The following AAMP variants were observed in gnomAD, a reference collection of about 807,000 sequenced individuals.
AAMP encodes angio-associated migratory cell protein.
Under a neutral mutation model 51.1 loss-of-function variants are expected in AAMP, and 12 were observed. That is an observed-to-expected ratio of 0.23 (90% CI 0.15 to 0.38). The LOEUF is 0.38. Among genes scored for constraint, AAMP ranks in the 10% least tolerant of loss-of-function variants. The probability of loss-of-function intolerance (pLI) is 1.00; values close to 1 mark genes in which losing one functional copy is unlikely to be tolerated. For missense variants in AAMP, 418 were observed against 557.2 expected (o/e 0.75, Z 2.52); for synonymous variants, 210 against 218.7 (o/e 0.96, Z 0.35).
Position 218,266,738 on chromosome 2 carries a change from C to T in AAMP, c.534+109G>A, listed in dbSNP as rs1365882362. On this transcript the variant is annotated intron_variant, in intron 4 of 10. Transcript: ENST00000248450. This position sits in a 1 kb window ranked among gnomAD's most constrained non-coding sequence, Gnocchi z 4.7. The stretch of plus-strand genomic sequence containing the variant: ...GATATTCTTCCTGTGCCTTGGGGCG[C>T]ATTGGCTCAGAGCTGGCTTGGCGCA... 2 of 1,565,496 alleles carry T rather than the reference C, an allele frequency of 1.3e-6. No homozygotes were observed. Among genetic ancestry groups the T allele is most frequent in the East Asian group, 4.5e-5 (2 of 44,354 alleles).
Position 218,267,693 on chromosome 2 carries a change from A to ACC in AAMP, c.275-82_275-81dup. On this transcript the variant is annotated intron_variant, in intron 2 of 10. Transcript: ENST00000248450. The surrounding 1 kb of genome is among the most constrained non-coding windows in gnomAD (Gnocchi z 4.6). ...GTCCTTCACAATCTTCAGGAAACCC[A>ACC]CCCCCTTTCACCCAAAGCGTGTCTT... is the stretch of plus-strand genomic sequence containing the variant. 6.5e-7 allele frequency: 1 copy of ACC among 1,543,506 alleles called. No homozygotes were observed. The highest frequency in any genetic ancestry group is 8.9e-7 in the Non-Finnish European group (1 of 1,124,462).
At position 218,266,185 on chromosome 2, in the gene AAMP, C is replaced by A. The variant is rs372929094; in HGVS notation, c.680-38G>T. On this transcript the variant is annotated intron_variant, in intron 5 of 10. Transcript: ENST00000248450. The surrounding 1 kb of genome is among the most constrained non-coding windows in gnomAD (Gnocchi z 4.7). ...ACAGATGAAGAGAGGGCAGAGGGCA[C>A]GCTCACATACACTAAGCAAGGGAAT... 2 of 1,566,406 alleles carry A rather than the reference C, an allele frequency of 1.3e-6. No individual in the cohort carries two copies. The highest frequency in any genetic ancestry group is 1.8e-6 in the Non-Finnish European group (2 of 1,137,090).
Position 218,264,271 on chromosome 2 carries a change from C to T in AAMP, c.*262G>A, listed in dbSNP as rs1469468683. On this transcript the variant is annotated 3_prime_UTR_variant, in exon 11 of 11. Coordinates refer to ENST00000248450, the MANE Select transcript of AAMP (RefSeq NM_001087.5). ...ATACAAATACACACCCCATGGCTCA[C>T]ACCAGCAAATGAAAGTGAAAGAGAA... The T allele has an allele frequency of 3.8e-6, 2 of 529,638 alleles. No individual in the cohort carries two copies. The highest frequency in any genetic ancestry group is 1.9e-5 in the African/African-American group (1 of 52,860). The allele number at this position is 529,638 out of a possible 1,614,324, so 32.8% of individuals were successfully genotyped here.
Position 218,264,908 on chromosome 2 carries a change from T to C in AAMP, c.1229+112A>G, listed in dbSNP as rs146035270. 599 of 1,525,014 alleles carry C rather than the reference T, an allele frequency of 3.9e-4. No individual in the cohort carries two copies. The African/African-American group carries it at 7.2e-3, about 18-fold the overall frequency. 94.5% of individuals were successfully genotyped at this position (1,525,014 alleles called of 1,614,324 possible). A position where few individuals can be genotyped will look rare whatever the true frequency, so the allele number is the denominator to read the frequency against. ...TGGGCTGTGAACCCTCAGGCTTCTC[T>C]GCATTCCTGCCTTAGGAATCCCTTC... On this transcript the variant is annotated intron_variant, in intron 10 of 10. Transcript: ENST00000248450.
At position 218,265,471 on chromosome 2, in the gene AAMP, G is replaced by A. The variant is rs1483612437; in HGVS notation, c.984-10C>T. 2.5e-5 allele frequency: 40 copies of A among 1,575,684 alleles called. No homozygotes were observed. The highest frequency in any genetic ancestry group is 3.3e-5 in the Non-Finnish European group (38 of 1,157,822). The stretch of plus-strand genomic sequence containing the variant: ...AGCTGCCAGGGGCATCCTGGCCAGA[G>A]GAGCGTACCATGAAGACTCATGAGG... On this transcript the variant is annotated splice_polypyrimidine_tract_variant and intron_variant, in intron 8 of 10. Coordinates refer to ENST00000248450, the MANE Select transcript of AAMP (RefSeq NM_001087.5). This position sits in a 1 kb window ranked among gnomAD's most constrained non-coding sequence, Gnocchi z 6.6.
In AAMP at chr2:218,265,496, G is replaced by A; in HGVS notation, c.984-35C>T. 6.4e-7 allele frequency: 1 copy of A among 1,573,908 alleles called. No individual in the cohort carries two copies. The highest frequency in any genetic ancestry group is 8.7e-7 in the Non-Finnish European group (1 of 1,149,438). The stretch of plus-strand genomic sequence containing the variant: ...GGAGCGTACCATGAAGACTCATGAG[G>A]GCCTGGACTCACACGCCCTGCCGTC... On this transcript the variant is annotated intron_variant, in intron 8 of 10. Coordinates refer to ENST00000248450, the MANE Select transcript of AAMP (RefSeq NM_001087.5). The surrounding 1 kb of genome is among the most constrained non-coding windows in gnomAD (Gnocchi z 6.6).
In AAMP at chr2:218,265,313, G is replaced by A; in HGVS notation, c.1074+58C>T. 6.5e-7 allele frequency: 1 copy of A among 1,531,584 alleles called. No homozygotes were observed. The highest frequency in any genetic ancestry group is 8.9e-7 in the Non-Finnish European group (1 of 1,127,744). The allele number at this position is 1,531,584 out of a possible 1,614,324, so 94.9% of individuals were successfully genotyped here. On this transcript the variant is annotated intron_variant, in intron 9 of 10. Coordinates refer to ENST00000248450, the MANE Select transcript of AAMP (RefSeq NM_001087.5). This position sits in a 1 kb window ranked among gnomAD's most constrained non-coding sequence, Gnocchi z 6.6. ...CTGGGGTAGATGCTCCTGGAGGCCT[G>A]GGCTTCCCCACCACTATGGACACAG...
chr2:218,270,090 G>A lies in AAMP; in HGVS notation c.-4C>T, dbSNP rs749091651. On this transcript the variant is annotated 5_prime_UTR_variant, in exon 1 of 11. Transcript: ENST00000248450. ...CGCTTTCCGATTCGGACTCCATGCG[G>A]CGCAAGCGGCGGATCCACTTCTCTG... The A allele has an allele frequency of 4.3e-6, 7 of 1,613,588 alleles. No homozygotes were observed.
rs1253168817 is a variant in AAMP at position 218,267,732 on chromosome 2, C to G, written c.275-119G>C. ...AAAGCGTGTCTTTCCTCCTGGAAAA[C>G]ACAGGTACATCCAAGTTCTTCTAAG... On this transcript the variant is annotated intron_variant, in intron 2 of 10. Coordinates refer to ENST00000248450, the MANE Select transcript of AAMP (RefSeq NM_001087.5). This position sits in a 1 kb window ranked among gnomAD's most constrained non-coding sequence, Gnocchi z 4.6. The G allele has an allele frequency of 7.8e-7, 1 of 1,280,234 alleles. No homozygotes were observed. Among genetic ancestry groups the G allele is most frequent in the Non-Finnish European group, 1.1e-6 (1 of 908,414 alleles). 79.3% of individuals were successfully genotyped at this position (1,280,234 alleles called of 1,614,324 possible). A position where few individuals can be genotyped will look rare whatever the true frequency, so the allele number is the denominator to read the frequency against.
In AAMP at chr2:218,267,594, G is replaced by A; in HGVS notation, c.294C>T (p.Ser98=). The part of the protein sequence containing the change: ...ALHSASVFCV[S]LDPKTNTLAV... ...CCAAGGTATTGGTCTTGGGGTCCAG[G>A]CTCACACAAAACACAGATGCTGTCC... The change falls in exon 3 of 11, where the codon AGC becomes AGT. Residue 98 remains serine, a synonymous_variant. Coordinates refer to ENST00000248450, the MANE Select transcript of AAMP (RefSeq NM_001087.5). This position sits in a 1 kb window ranked among gnomAD's most constrained non-coding sequence, Gnocchi z 4.6. 6.2e-7 allele frequency: 1 copy of A among 1,614,136 alleles called. No individual in the cohort carries two copies.
In AAMP at chr2:218,266,759, G is replaced by A. The variant is rs113812614; in HGVS notation, c.534+88C>T. 6.3e-7 allele frequency: 1 copy of A among 1,586,602 alleles called. No homozygotes were observed. The highest frequency in any genetic ancestry group is 1.1e-5 in the South Asian group (1 of 88,288). ...GGCGCATTGGCTCAGAGCTGGCTTGGCGCAATAAAGGCAGAACTGGCCTCC... is the reference window on the plus strand; with the variant it reads ...GGCGCATTGGCTCAGAGCTGGCTTGACGCAATAAAGGCAGAACTGGCCTCC... On this transcript the variant is annotated intron_variant, in intron 4 of 10. Coordinates refer to ENST00000248450, the MANE Select transcript of AAMP (RefSeq NM_001087.5). The surrounding 1 kb of genome is among the most constrained non-coding windows in gnomAD (Gnocchi z 4.7).
chr2:218,268,721 C>T (rs1177686749), intron 2 of AAMP, among the ~76,000 whole-genome samples: 1 of 125,394 alleles, frequency 8.0e-6, no homozygotes, highest in African/African-American at 3.0e-5. Context: ...TTTTTGGAGA[C>T]AGACTCTCAT....
In AAMP at chr2:218,267,112, G is replaced by C. The variant is rs1690653151; in HGVS notation, c.395-126C>G. 1 of 1,121,364 alleles carries C rather than the reference G, an allele frequency of 8.9e-7. No homozygotes were observed. Among genetic ancestry groups the C allele is most frequent in the Admixed American group, 2.5e-5 (1 of 40,134 alleles). The allele number at this position is 1,121,364 out of a possible 1,614,324, so 69.5% of individuals were successfully genotyped here. On this transcript the variant is annotated intron_variant, in intron 3 of 10. Coordinates refer to ENST00000248450, the MANE Select transcript of AAMP (RefSeq NM_001087.5). This position sits in a 1 kb window ranked among gnomAD's most constrained non-coding sequence, Gnocchi z 4.6. The stretch of plus-strand genomic sequence containing the variant: ...AAAAAAAGAGGGGCGGGACTGAGCA[G>C]AACAGGTGCTGGAACTCACCACCAC...
rs752644226 is a variant in AAMP, at chr2:218,267,511, A to G, written c.377T>C (p.Leu126Pro). 2.5e-6 allele frequency: 4 copies of G among 1,614,080 alleles called. No homozygotes were observed. The highest frequency in any genetic ancestry group is 3.4e-6 in the Non-Finnish European group (4 of 1,180,002). Residue 126 changes from leucine (L) to proline (P), a missense_variant, in exon 3 of 11, where the codon CTG becomes CCG. By Grantham distance (98) the Leu-to-Pro change is moderately conservative. Transcript: ENST00000248450. The surrounding 1 kb of genome is among the most constrained non-coding windows in gnomAD (Gnocchi z 4.6). ...CCCCTCACCTGCACACTCAAAGAGC[A>G]GCTCCCCATCGCTGAGCCGCCATAC... ...AFVWRLSDGE[L>P]LFECAGHKDS... is the part of the protein sequence containing the mutation.
Position 218,269,451 on chromosome 2 carries a change from G to T in AAMP, c.205C>A (p.Pro69Thr). 6.2e-7 allele frequency: 1 copy of T among 1,614,198 alleles called. No homozygotes were observed. The highest frequency in any genetic ancestry group is 8.5e-7 in the Non-Finnish European group (1 of 1,180,040). The change falls in exon 2 of 11, where the codon CCC (proline) becomes ACC (threonine). Residue 69 changes from proline to threonine, a missense_variant. Transcript: ENST00000248450. ...EGNEEGWVLE[P>T]QEGVVGSMEG... is the part of the protein sequence containing the mutation. The stretch of plus-strand genomic sequence containing the variant: ...ATGCTGCCGACCACCCCTTCCTGGG[G>T]TTCTAGAACCCAGCCCTCTTCGTTG...
rs1690588253 is a variant in AAMP, at chr2:218,265,035, T to G, written c.1214A>C (p.Asp405Ala). The change falls in exon 10 of 11, where the codon GAC becomes GCC. Residue 405 changes from aspartate to alanine, a missense_variant. Asp to Ala is a moderately radical substitution (Grantham distance 126, BLOSUM62 -2). Transcript: ENST00000248450. This position sits in a 1 kb window ranked among gnomAD's most constrained non-coding sequence, Gnocchi z 6.6. ...ATTCACTTACTTGCTGAGGGCAAAG[T>G]CCAGGATCTCAGCCGTGTGGCCCCG... ...DYRGHTAEIL[D>A]FALSKDASLV... is the part of the protein sequence containing the mutation. 3 of 1,613,780 alleles carry G rather than the reference T, an allele frequency of 1.9e-6. No individual in the cohort carries two copies. Among genetic ancestry groups the G allele is most frequent in the Non-Finnish European group, 2.5e-6 (3 of 1,180,002 alleles).
chr2:218,266,705 A>G lies in AAMP; in HGVS notation c.535-118T>C, dbSNP rs2106172064. The G allele has an allele frequency of 1.3e-6, 2 of 1,547,540 alleles. No homozygotes were observed. Among genetic ancestry groups the G allele is most frequent in the Non-Finnish European group, 8.8e-7 (1 of 1,140,174 alleles). ...GGGGTTCCGCGGGGACTTTCCAGGTAGCAGGTAGATATTCTTCCTGTGCCT... is the reference window on the plus strand; with the variant it reads ...GGGGTTCCGCGGGGACTTTCCAGGTGGCAGGTAGATATTCTTCCTGTGCCT... On this transcript the variant is annotated intron_variant, in intron 4 of 10. Coordinates refer to ENST00000248450, the MANE Select transcript of AAMP (RefSeq NM_001087.5). The surrounding 1 kb of genome is among the most constrained non-coding windows in gnomAD (Gnocchi z 4.7).
chr2:218,264,305 AC>A lies in AAMP; in HGVS notation c.*227del. 1 of 560,482 alleles carries A rather than the reference AC, an allele frequency of 1.8e-6. No individual in the cohort carries two copies. The highest frequency in any genetic ancestry group is 3.2e-6 in the Non-Finnish European group (1 of 312,954). 34.7% of individuals were successfully genotyped at this position (560,482 alleles called of 1,614,324 possible). A position where few individuals can be genotyped will look rare whatever the true frequency, so the allele number is the denominator to read the frequency against. On this transcript the variant is annotated 3_prime_UTR_variant, in exon 11 of 11. Transcript: ENST00000248450. ...ATGAAAGTGAAAGAGAAACAGGTCCACCCCTCCCTCTGAAGGGCCCACCAGG... is the reference window on the plus strand; with the variant it reads ...ATGAAAGTGAAAGAGAAACAGGTCCACCCTCCCTCTGAAGGGCCCACCAGG...
rs1690649084 is a variant in AAMP at position 218,267,014 on chromosome 2, A to AG, written c.395-29dup. The AG allele has an allele frequency of 6.2e-7, 1 of 1,609,910 alleles. No homozygotes were observed. The highest frequency in any genetic ancestry group is 8.5e-7 in the Non-Finnish European group (1 of 1,176,632). On this transcript the variant is annotated intron_variant, in intron 3 of 10. Transcript: ENST00000248450. The surrounding 1 kb of genome is among the most constrained non-coding windows in gnomAD (Gnocchi z 4.6). The stretch of plus-strand genomic sequence containing the variant: ...TCAAAGAAAAGTGGGCAGAAAACAG[A>AG]GGAAAAAAATAGGGTACCTGGTGCT...
Sources: allele counts gnomAD v4.1 joint callset (sites outside exome capture counted in the v4.1 genomes callset), GRCh38; gene constraint gnomAD v4.1.1; non-coding constraint Gnocchi (gnomAD v3.1); transcripts MANE v1.5; gene names NCBI Gene and HGNC (gene_info 2026-07-23, HGNC 2026-07-21).